CTNNA3: variants seen among roughly 807,000 people sequenced by gnomAD.
CTNNA3 encodes the protein catenin alpha 3.
In CTNNA3, 76 loss-of-function variants were observed where a neutral mutation model predicts 95.7. That is an observed-to-expected ratio of 0.79 (90% CI 0.66 to 0.96). The LOEUF is 0.96. Ranked by LOEUF, CTNNA3 falls within the 40% of genes least tolerant of loss-of-function variation. The pLI is 0.00. For missense variants in CTNNA3, 1,191 were observed against 1,089.8 expected (o/e 1.09, Z -1.31); for synonymous variants, 431 against 374.4 (o/e 1.15, Z -1.74).
intron 5 of CTNNA3, among the ~76,000 whole-genome samples, chr10:67,488,517 A>G (rs903358771): frequency 6.6e-6 from 1 of 151,990 alleles, no homozygotes; most frequent in South Asian, 2.1e-4. Context: ...TTACAGGCAC[A>G]TGCCACCAAG....
At chr10:67,203,248 T>G (rs12259941) in intron 6 of CTNNA3, among the ~76,000 whole-genome samples, 7 of 152,154 alleles carry the variant, frequency 4.6e-5, no homozygotes, top group African/African-American at 1.7e-4. Context: ...ACTGTTCTCC[T>G]GGTAGTGAAT....
At chr10:66,531,613 C>T (rs1242158853) in intron 10 of CTNNA3, among the ~76,000 whole-genome samples, 2 of 152,048 alleles carry the variant, frequency 1.3e-5, no homozygotes, top group Non-Finnish European at 2.9e-5. Flanking sequence ...GAATACTATA[C>T]ACAAATATAT....
At chr10:66,880,822 C>T (rs1844820610) in intron 7 of CTNNA3, among the ~76,000 whole-genome samples, 1 of 152,048 alleles carries the variant, frequency 6.6e-6, no homozygotes, top group African/African-American at 2.4e-5. Flanking sequence ...TCCTAAAATG[C>T]TAAATTGGAA....
chr10:66,526,041 C>T (rs1398344664), intron 10 of CTNNA3, among the ~76,000 whole-genome samples: 2 of 152,080 alleles, frequency 1.3e-5, no homozygotes, highest in Non-Finnish European at 2.9e-5. Flanking sequence ...GTTTTGCTCA[C>T]CCATTCATCT....
chr10:66,154,056 A>G (rs2084347406), intron 13 of CTNNA3, among the ~76,000 whole-genome samples: 1 of 151,920 alleles, frequency 6.6e-6, no homozygotes, highest in Non-Finnish European at 1.5e-5. Context: ...GATTAAACCC[A>G]TACCTTTAAA....
intron 11 of CTNNA3, among the ~76,000 whole-genome samples, chr10:66,472,487 C>T (rs111537078): frequency 0.012 from 1,815 of 151,938 alleles, 18 homozygotes; most frequent in Non-Finnish European, 0.019. Context: ...CTGGTTTTCT[C>T]ATTTTATTTT....
intron 11 of CTNNA3, among the ~76,000 whole-genome samples, chr10:66,493,597 G>GCATTTT (rs1839996833): frequency 1.7e-5 from 2 of 119,560 alleles, no homozygotes; most frequent in Admixed American, 8.0e-5. Context: ...TTTAACTACA[G>GCATTTT]TATTTTTTTT....
chr10:67,064,758 G>T (rs779060237), intron 7 of CTNNA3, among the ~76,000 whole-genome samples: 13 of 152,262 alleles, frequency 8.5e-5, no homozygotes, highest in Middle Eastern at 3.4e-3. Context: ...CTTGAGTTAG[G>T]TATGGAAGAT....
At chr10:66,706,195 A>G (rs1040252789) in intron 9 of CTNNA3, among the ~76,000 whole-genome samples, 3 of 152,020 alleles carry the variant, frequency 2.0e-5, no homozygotes, top group African/African-American at 7.2e-5. Context: ...GTCTATCCAA[A>G]TAAACCAGTT....
intron 11 of CTNNA3, among the ~76,000 whole-genome samples, chr10:66,503,835 A>C (rs901335869): frequency 6.6e-6 from 1 of 152,152 alleles, no homozygotes; most frequent in African/African-American, 2.4e-5. Flanking sequence ...TGTCAAATCT[A>C]TAAGAATTAC....
chr10:66,340,723 TA>T (rs2092445721), intron 12 of CTNNA3, among the ~76,000 whole-genome samples: 1 of 151,732 alleles, frequency 6.6e-6, no homozygotes, highest in Non-Finnish European at 1.5e-5. Context: ...TTAAATACAT[TA>T]TTAGATTTAA....
intron 3 of CTNNA3, among the ~76,000 whole-genome samples, chr10:67,570,828 A>C (rs1841951209): frequency 6.6e-6 from 1 of 152,110 alleles, no homozygotes; most frequent in South Asian, 2.1e-4. Flanking sequence ...ATTTCTTTTC[A>C]ATCTCCTTTT....
chr10:66,785,764 A>C (rs1840715521), intron 7 of CTNNA3, among the ~76,000 whole-genome samples: 2 of 152,138 alleles, frequency 1.3e-5, no homozygotes, highest in Admixed American at 6.6e-5. Context: ...ATCTCCTCTT[A>C]TATATGTATC....
At chr10:66,406,137 T>C (rs976815343) in intron 11 of CTNNA3, among the ~76,000 whole-genome samples, 2 of 152,194 alleles carry the variant, frequency 1.3e-5, no homozygotes, top group African/African-American at 2.4e-5. Context: ...ATCTGAGAAC[T>C]AATGAAAATA....
At chr10:67,185,166 G>A (rs753419747) in intron 6 of CTNNA3, among the ~76,000 whole-genome samples, 16 of 151,446 alleles carry the variant, frequency 1.1e-4, no homozygotes, top group East Asian at 1.9e-4. Flanking sequence ...GTCTCACTCT[G>A]TTGCCAGGCT....
chr10:66,457,357 T>TA (rs1352497424), intron 11 of CTNNA3, among the ~76,000 whole-genome samples: 23 of 151,544 alleles, frequency 1.5e-4, no homozygotes, highest in African/African-American at 3.9e-4. Flanking sequence ...CGAAACTCAA[T>TA]AAAAAGAAAA....
At chr10:66,336,600 T>A (rs1444957803) in intron 12 of CTNNA3, among the ~76,000 whole-genome samples, 1 of 152,160 alleles carries the variant, frequency 6.6e-6, no homozygotes, top group Non-Finnish European at 1.5e-5. Context: ...CACACAATAT[T>A]TTTTGTAACA....
chr10:67,017,810 C>T (rs1852752497), intron 7 of CTNNA3, among the ~76,000 whole-genome samples: 1 of 152,014 alleles, frequency 6.6e-6, no homozygotes, highest in South Asian at 2.1e-4. Flanking sequence ...CACTCTGTCA[C>T]CCAGGCTGGA....
intron 5 of CTNNA3, among the ~76,000 whole-genome samples, chr10:67,301,176 C>A (rs567492496): frequency 6.6e-6 from 1 of 152,242 alleles, no homozygotes; most frequent in East Asian, 1.9e-4. Flanking sequence ...TTCGTTTGTC[C>A]ACACATGTCC....
Sources: allele counts gnomAD v4.1 joint callset (sites outside exome capture counted in the v4.1 genomes callset), GRCh38; gene constraint gnomAD v4.1.1; transcripts MANE v1.5; gene names NCBI Gene and HGNC (gene_info 2026-07-23, HGNC 2026-07-21).